KCTD16: variants seen among roughly 807,000 people sequenced by gnomAD.
KCTD16 encodes potassium channel tetramerization domain containing 16.
A neutral mutation model predicts 33.2 loss-of-function variants in KCTD16; 13 were observed. The ratio of observed to expected loss-of-function variants is 0.39; its 90% CI spans 0.25 to 0.62. The LOEUF (loss-of-function observed/expected upper bound fraction) is 0.62. KCTD16 is among the 20% of genes least tolerant of loss of function. The pLI is 0.50. For missense variants in KCTD16, 441 were observed against 525.1 expected (o/e 0.84, Z 1.57); for synonymous variants, 197 against 195.3 (o/e 1.01, Z -0.07).
At chr5:144,212,939 C>T (rs953586235) in intron 3 of KCTD16, among the ~76,000 whole-genome samples, 6 of 152,174 alleles carry the variant, frequency 3.9e-5, no homozygotes, top group African/African-American at 9.6e-5. Context: ...TCCCTTTTGT[C>T]GATGCTGGAT....
intron 3 of KCTD16, among the ~76,000 whole-genome samples, chr5:144,210,380 T>G (rs1753345179): frequency 6.6e-6 from 1 of 152,176 alleles, no homozygotes; most frequent in Non-Finnish European, 1.5e-5. Context: ...GGATTATGAT[T>G]CACTTATATG....
chr5:144,179,770 G>A (rs1419266539), intron 2 of KCTD16, among the ~76,000 whole-genome samples: 1 of 152,150 alleles, frequency 6.6e-6, no homozygotes, highest in Non-Finnish European at 1.5e-5. Flanking sequence ...TTAGAAGAGA[G>A]GTTATGTTAT....
intron 3 of KCTD16, among the ~76,000 whole-genome samples, chr5:144,262,148 G>A (rs1305963760): frequency 3.3e-5 from 5 of 152,256 alleles, no homozygotes; most frequent in East Asian, 1.9e-4. Flanking sequence ...TTAATGGATC[G>A]GGGAAGGCCT....
intron 3 of KCTD16, among the ~76,000 whole-genome samples, chr5:144,211,527 A>G (rs1422419234): frequency 1.3e-5 from 2 of 152,180 alleles, no homozygotes; most frequent in African/African-American, 2.4e-5. Flanking sequence ...ATTGTATACA[A>G]TTACATTAGG....
intron 3 of KCTD16, among the ~76,000 whole-genome samples, chr5:144,358,959 A>T (rs1751640112): frequency 6.6e-6 from 1 of 152,180 alleles, no homozygotes; most frequent in African/African-American, 2.4e-5. Context: ...TGACCATAAC[A>T]GGTGTCCTGT....
At chr5:144,282,939 TA>T (rs1040174904) in intron 3 of KCTD16, among the ~76,000 whole-genome samples, 2 of 152,120 alleles carry the variant, frequency 1.3e-5, no homozygotes, top group Admixed American at 1.3e-4. Flanking sequence ...CCAAGGAGAA[TA>T]AAAAGAAAAA....
intron 3 of KCTD16, among the ~76,000 whole-genome samples, chr5:144,466,994 A>AT (rs1754349484): frequency 1.9e-4 from 9 of 47,654 alleles, no homozygotes; most frequent in African/African-American, 6.4e-4. Flanking sequence ...AACACTATAT[A>AT]TATTATATAT....
chr5:144,297,029 GT>G (rs1488004634), intron 3 of KCTD16, among the ~76,000 whole-genome samples: 5 of 152,258 alleles, frequency 3.3e-5, no homozygotes, highest in African/African-American at 1.2e-4. Context: ...AACTTATATG[GT>G]TTCAGATCAC....
chr5:144,290,193 G>T (rs1055588102), intron 3 of KCTD16, among the ~76,000 whole-genome samples: 1 of 152,156 alleles, frequency 6.6e-6, no homozygotes, highest in Non-Finnish European at 1.5e-5. Flanking sequence ...TACTTGAGAG[G>T]CTGAAGTGGG....
At chr5:144,250,097 A>C (rs1410586797) in intron 3 of KCTD16, among the ~76,000 whole-genome samples, 1 of 152,186 alleles carries the variant, frequency 6.6e-6, no homozygotes, top group Admixed American at 6.6e-5. Context: ...GTGTAACAGG[A>C]AACATGCTTC....
chr5:144,399,855 T>G lies in KCTD16; in HGVS notation c.833-73805T>G, dbSNP rs7721073. Among the ~76,000 whole-genome samples, 1,277 of 152,332 alleles carry G rather than the reference T, an allele frequency of 8.4e-3. 17 individuals carry two copies. The highest frequency in any genetic ancestry group is 0.029 in the African/African-American group (1,191 of 41,574). ...GATCTAAGATTGATTCTATCTCTGA[T>G]AGCAGAGAAGGGAATTAAGGAGTTT... On this transcript the variant is annotated intron_variant, in intron 3 of 3. Coordinates refer to ENST00000512467, the MANE Select transcript of KCTD16 (RefSeq NM_020768.4).
At chr5:144,429,634 A>G (rs1258079609) in intron 3 of KCTD16, among the ~76,000 whole-genome samples, 1 of 152,120 alleles carries the variant, frequency 6.6e-6, no homozygotes, top group African/African-American at 2.4e-5. Flanking sequence ...ATGCAGTACC[A>G]TGATTGACAT....
intron 3 of KCTD16, among the ~76,000 whole-genome samples, chr5:144,256,651 T>G (rs1754857267): frequency 6.6e-6 from 1 of 151,752 alleles, no homozygotes; most frequent in South Asian, 2.1e-4. Context: ...TCTGCCTGAC[T>G]TCCCCTGGGG....
intron 3 of KCTD16, among the ~76,000 whole-genome samples, chr5:144,397,168 G>A (rs1285216779): frequency 6.9e-6 from 1 of 145,652 alleles, no homozygotes; most frequent in Non-Finnish European, 1.5e-5. Flanking sequence ...GTGAGAAAAT[G>A]CAGTGTTTGG....
At chr5:144,417,507 T>C (rs976017339) in intron 3 of KCTD16, among the ~76,000 whole-genome samples, 5 of 152,302 alleles carry the variant, frequency 3.3e-5, no homozygotes, top group Admixed American at 3.3e-4. Context: ...CTTTATACAT[T>C]CCAAAAAATT....
chr5:144,246,966 T>C (rs1677868782), intron 3 of KCTD16, among the ~76,000 whole-genome samples: 1 of 152,202 alleles, frequency 6.6e-6, no homozygotes, highest in African/African-American at 2.4e-5. Flanking sequence ...AGCAAATCAT[T>C]TAGCCTTTTG....
chr5:144,255,399 G>A (rs1351746756), intron 3 of KCTD16, among the ~76,000 whole-genome samples: 1 of 151,830 alleles, frequency 6.6e-6, no homozygotes, highest in Admixed American at 6.6e-5. Flanking sequence ...AAGTTTTAGG[G>A]GAACCTCCAT....
At position 144,207,166 on chromosome 5, in the gene KCTD16, G is replaced by T. The variant is rs763107933; in HGVS notation, c.452G>T (p.Cys151Phe). ...TCCCAAGGAAGCGACACAAGAATCTGCCCCCCTTCCTCCCTGCTCCCTGCC... is the reference window on the plus strand; with the variant it reads ...TCCCAAGGAAGCGACACAAGAATCTTCCCCCCTTCCTCCCTGCTCCCTGCC... Reference protein sequence around the residue: ...DASQGSDTRICPPSSLLPADR... With the variant: ...DASQGSDTRIFPPSSLLPADR... The change falls in exon 3 of 4, where the codon TGC (cysteine) becomes TTC (phenylalanine). Residue 151 changes from cysteine (C) to phenylalanine (F), a missense_variant. Coordinates refer to ENST00000512467, the MANE Select transcript of KCTD16 (RefSeq NM_020768.4). 7.4e-6 allele frequency: 12 copies of T among 1,612,472 alleles called. No individual in the cohort carries two copies. Among genetic ancestry groups the T allele is most frequent in the Non-Finnish European group, 8.5e-6 (10 of 1,179,402 alleles).
At chr5:144,279,497 C>A (rs1169826107) in intron 3 of KCTD16, among the ~76,000 whole-genome samples, 1 of 152,188 alleles carries the variant, frequency 6.6e-6, no homozygotes, top group African/African-American at 2.4e-5. Flanking sequence ...GCTGCTAAGA[C>A]AAAATACCAC....
Sources: allele counts gnomAD v4.1 joint callset (sites outside exome capture counted in the v4.1 genomes callset), GRCh38; gene constraint gnomAD v4.1.1; transcripts MANE v1.5; gene names NCBI Gene and HGNC (gene_info 2026-07-23, HGNC 2026-07-21).